ZNF106: variants seen among roughly 807,000 people sequenced by gnomAD.
The protein encoded by ZNF106 is SH3-domain binding protein 3.
A neutral mutation model predicts 195.1 loss-of-function variants in ZNF106; 67 were observed. The ratio of observed to expected loss-of-function variants is 0.34; its 90% CI spans 0.28 to 0.42. The LOEUF (loss-of-function observed/expected upper bound fraction) is 0.42. ZNF106 is among the 10% of genes least tolerant of loss of function. The probability of loss-of-function intolerance (pLI) is 1.00; values close to 1 mark genes in which losing one functional copy is unlikely to be tolerated. For synonymous variants in ZNF106, 784 were observed against 818.6 expected (o/e 0.96, Z 0.72); for missense variants, 2,118 against 2,304.5 (o/e 0.92, Z 1.66).
rs2054347579 is a variant in ZNF106 at position 42,413,730 on chromosome 15, C to G, written c.*3574G>C. 1 of 152,592 alleles carries G rather than the reference C, an allele frequency of 6.6e-6. No homozygotes were observed. Among genetic ancestry groups the G allele is most frequent in the East Asian group, 1.9e-4 (1 of 5,190 alleles). 9.5% of individuals were successfully genotyped at this position (152,592 alleles called of 1,614,324 possible). A position where few individuals can be genotyped will look rare whatever the true frequency, so the allele number is the denominator to read the frequency against. ...TTAAAGGTAAGTCAGGAGCTGAACACTCAACTGTTAACTCTTCTGGGGAAG... is the reference window on the plus strand; with the variant it reads ...TTAAAGGTAAGTCAGGAGCTGAACAGTCAACTGTTAACTCTTCTGGGGAAG... On this transcript the variant is annotated 3_prime_UTR_variant, in exon 22 of 22. Coordinates refer to ENST00000564754, the MANE Select transcript of ZNF106 (RefSeq NM_001366845.3).
intron 20 of ZNF106, 83 bp downstream of exon 20, chr15:42,420,978 C>T: frequency 8.2e-7 from 1 of 1,216,584 alleles, no homozygotes; most frequent in Non-Finnish European, 1.2e-6. Context: ...AAATGCTACA[C>T]TGATGATAAT....
In ZNF106 at chr15:42,421,375, AC is replaced by A. The variant is rs566615195; in HGVS notation, c.5446-244del. On this transcript the variant is annotated intron_variant, in intron 19 of 21. Coordinates refer to ENST00000564754, the MANE Select transcript of ZNF106 (RefSeq NM_001366845.3). ...GAGAGGAGTGGCAGGGCTCAGAGGC[AC>A]CCACTTGTCCTTTATACTTTAACTG... is the stretch of plus-strand genomic sequence containing the variant. 3.3e-5 allele frequency among the ~76,000 whole-genome samples: 5 copies of A among 152,244 alleles called. No individual in the cohort carries two copies. In the South Asian group the frequency reaches 1.0e-3, roughly 32 times the overall value.
At chr15:42,488,252 C>A (rs2057059870) in intron 1 of ZNF106, among the ~76,000 whole-genome samples, 1 of 152,090 alleles carries the variant, frequency 6.6e-6, no homozygotes, top group East Asian at 1.9e-4. Context: ...TTTTATAAAA[C>A]CACAGTGGTT....
intron 3 of ZNF106, among the ~76,000 whole-genome samples, chr15:42,462,946 C>CTT (rs959474305): frequency 7.0e-6 from 1 of 142,936 alleles, no homozygotes; most frequent in Non-Finnish European, 1.5e-5. Flanking sequence ...CCACACCTGG[C>CTT]TTTTTTTTGT....
chr15:42,477,710 T>A (rs187698451), intron 1 of ZNF106, among the ~76,000 whole-genome samples: 136 of 152,014 alleles, frequency 8.9e-4, no homozygotes, highest in African/African-American at 3.1e-3. Flanking sequence ...ACCAACATGG[T>A]GAAACCCCAT....
chr15:42,477,271 G>T (rs2056804602), intron 1 of ZNF106, among the ~76,000 whole-genome samples: 1 of 152,014 alleles, frequency 6.6e-6, no homozygotes, highest in Non-Finnish European at 1.5e-5. Flanking sequence ...CAAGTCTTTA[G>T]GCCTTTTTTC....
chr15:42,428,679 G>A (rs1202291447), intron 14 of ZNF106, among the ~76,000 whole-genome samples: 2 of 152,094 alleles, frequency 1.3e-5, no homozygotes, highest in Non-Finnish European at 2.9e-5. Context: ...TAATTCAGTG[G>A]GCTCTAGAAT....
chr15:42,415,633 C>G lies in ZNF106; in HGVS notation c.*1671G>C. The G allele has an allele frequency of 3.0e-6, 1 of 334,192 alleles. No homozygotes were observed. The highest frequency in any genetic ancestry group is 2.4e-5 in the South Asian group (1 of 41,414). 20.7% of individuals were successfully genotyped at this position (334,192 alleles called of 1,614,324 possible). On this transcript the variant is annotated 3_prime_UTR_variant, in exon 22 of 22. Coordinates refer to ENST00000564754, the MANE Select transcript of ZNF106 (RefSeq NM_001366845.3). ...ATATGTGCACTAACAGGGGCGAAGA[C>G]AGACCTGGATGGTCTGCAATCCCAG...
At position 42,439,491 on chromosome 15, in the gene ZNF106, G is replaced by T. The variant is rs2055417198; in HGVS notation, c.4086C>A (p.Ser1362=). ...PADQPEQQAE[S]TLTSAETRGS... is the part of the protein sequence containing the mutation. ...CCCTAGTCTCAGCTGATGTCAAAGTGGATTCTGCCTGTTGTTCAGGCTGGT... is the reference window on the plus strand; with the variant it reads ...CCCTAGTCTCAGCTGATGTCAAAGTTGATTCTGCCTGTTGTTCAGGCTGGT... Residue 1362 remains serine (S), a synonymous_variant, in exon 11 of 22, where the codon TCC becomes TCA. Transcript: ENST00000564754. The T allele has an allele frequency of 6.2e-7, 1 of 1,614,026 alleles. No individual in the cohort carries two copies. The highest frequency in any genetic ancestry group is 8.5e-7 in the Non-Finnish European group (1 of 1,180,034).
chr15:42,465,507 G>A (rs2056495033), intron 3 of ZNF106, among the ~76,000 whole-genome samples: 1 of 151,884 alleles, frequency 6.6e-6, no homozygotes, highest in African/African-American at 2.4e-5. Context: ...AAACTCCTGG[G>A]CTCAAGTAAT....
intron 1 of ZNF106, among the ~76,000 whole-genome samples, chr15:42,478,091 C>CAAA (rs373575234): frequency 8.1e-6 from 1 of 122,854 alleles, no homozygotes; most frequent in East Asian, 2.2e-4. Context: ...AACTACGTCT[C>CAAA]AAAAAAAAAG....
At chr15:42,417,404 T>G in intron 21 of ZNF106, 44 bp from the exon 22 acceptor site, 1 of 1,609,650 alleles carries the variant, frequency 6.2e-7, no homozygotes, top group South Asian at 1.1e-5. Context: ...AAGTCGATAG[T>G]AAGACAGGAG....
At chr15:42,436,263 T>G (rs925133046) in intron 13 of ZNF106, among the ~76,000 whole-genome samples, 4 of 152,138 alleles carry the variant, frequency 2.6e-5, no homozygotes, top group African/African-American at 9.7e-5. Flanking sequence ...ACTGGTGGTG[T>G]TTCTTATGGG....
chr15:42,449,146 G>GC (rs2055886182), intron 5 of ZNF106, among the ~76,000 whole-genome samples: 1 of 152,136 alleles, frequency 6.6e-6, no homozygotes, highest in South Asian at 2.1e-4. Flanking sequence ...GTACAGAAAT[G>GC]CCCCTGAAGC....
chr15:42,451,254 C>T lies in ZNF106; in HGVS notation c.1018G>A (p.Glu340Lys). The change falls in exon 5 of 22, where the codon GAG becomes AAG. Residue 340 changes from glutamate (E) to lysine (K), a missense_variant. By Grantham distance (56) the Glu-to-Lys change is moderately conservative. Coordinates refer to ENST00000564754, the MANE Select transcript of ZNF106 (RefSeq NM_001366845.3). ...TTAGTGGTTTGGCTTTCCAGCTGCT[C>T]AAAATTGAAGTCGAGTAAGCCTTCT... ...PSEGLLDFNFEQLESQTTKQA... is the reference protein window; with the variant it reads ...PSEGLLDFNFKQLESQTTKQA... 6.2e-7 allele frequency: 1 copy of T among 1,614,116 alleles called. No homozygotes were observed. The highest frequency in any genetic ancestry group is 1.1e-5 in the South Asian group (1 of 91,062).
chr15:42,455,926 C>A (rs1409346054), intron 4 of ZNF106, among the ~76,000 whole-genome samples: 1 of 152,056 alleles, frequency 6.6e-6, no homozygotes, highest in Non-Finnish European at 1.5e-5. Flanking sequence ...CTCTTTTTAA[C>A]AAATTTTATA....
chr15:42,439,729 G>A lies in ZNF106; in HGVS notation c.3848C>T (p.Pro1283Leu), dbSNP rs747082799. ...CACAGAAAACTTCAGTTCTTGGCTA[G>A]GCTCATGGAAACTTTCTGTTGACTC... ...LPESTESFHEPSQELKFSVEQ... is the reference protein window; with the variant it reads ...LPESTESFHELSQELKFSVEQ... Residue 1283 changes from proline (P) to leucine (L), a missense_variant, in exon 11 of 22, where the codon CCT becomes CTT. Coordinates refer to ENST00000564754, the MANE Select transcript of ZNF106 (RefSeq NM_001366845.3). 1.9e-6 allele frequency: 3 copies of A among 1,612,832 alleles called. No homozygotes were observed. Among genetic ancestry groups the A allele is most frequent in the African/African-American group, 1.3e-5 (1 of 74,804 alleles).
chr15:42,442,591 CAGAG>C (rs781706372), intron 9 of ZNF106, among the ~76,000 whole-genome samples, 177 bp from the exon 10 acceptor site: 27 of 149,164 alleles, frequency 1.8e-4, no homozygotes, highest in Non-Finnish European at 3.7e-4. Context: ...ACCAAGGATA[CAGAG>C]AGAATAGGCA....
chr15:42,458,924 A>C (rs948770403), intron 3 of ZNF106, among the ~76,000 whole-genome samples: 12 of 152,078 alleles, frequency 7.9e-5, no homozygotes, highest in Admixed American at 6.6e-5. Context: ...TTAAAAAAAC[A>C]ACACTGTTCC....
Sources: allele counts gnomAD v4.1 joint callset (sites outside exome capture counted in the v4.1 genomes callset), GRCh38; gene constraint gnomAD v4.1.1; transcripts MANE v1.5; gene names NCBI Gene and HGNC (gene_info 2026-07-23, HGNC 2026-07-21).